Variants in COL5A2 observed in about 807,000 individuals in gnomAD.
COL5A2 encodes collagen alpha-2(V) chain.
In COL5A2, 23 loss-of-function variants were observed where a neutral mutation model predicts 208.2. The ratio of observed to expected loss-of-function variants is 0.11; its 90% confidence interval spans 0.08 to 0.16. The LOEUF (loss-of-function observed/expected upper bound fraction) is 0.16, where lower values mean the gene tolerates loss of function less well. COL5A2 is among the 10% of genes least tolerant of loss of function. The pLI, the probability that COL5A2 is intolerant of heterozygous loss-of-function variation, is 1.00. For missense variants in COL5A2, 1,590 were observed against 1,956.4 expected (o/e 0.81, Z 3.53); for synonymous variants, 625 against 628.5 (o/e 0.99, Z 0.08).
the COL5A2 span, among the ~76,000 whole-genome samples, chr2:189,333,579 C>T: frequency 3.9e-5 from 6 of 152,042 alleles, no homozygotes; most frequent in African/African-American, 1.2e-4. Context: ...ACCCCCAGTA[C>T]CTCAAAATGT....
chr2:189,053,424 C>G lies in COL5A2; in HGVS notation c.2553G>C (p.Gln851His), dbSNP rs754419619. The change falls in exon 38 of 54, where the codon CAG becomes CAC. Residue 851 changes from glutamine (Q) to histidine (H), a missense_variant and splice_region_variant. Coordinates refer to ENST00000374866, the MANE Select transcript of COL5A2 (RefSeq NM_000393.5). ...PTGAVGFAGPQGPDGQPGVKG... is the reference protein window; with the variant it reads ...PTGAVGFAGPHGPDGQPGVKG... ...AATTAGGGATATTTGAAAATTATAC[C>G]TGGGGTCCGGCAAAACCAACAGCTC... The G allele has an allele frequency of 6.2e-7, 1 of 1,613,040 alleles. No individual in the cohort carries two copies. Among genetic ancestry groups the G allele is most frequent in the Non-Finnish European group, 8.5e-7 (1 of 1,179,298 alleles).
chr2:189,130,803 C>A (rs1687695223), intron 1 of COL5A2, among the ~76,000 whole-genome samples: 1 of 151,882 alleles, frequency 6.6e-6, no homozygotes, highest in African/African-American at 2.4e-5. Flanking sequence ...GTTTATAAAG[C>A]CCAAGTCACA....
intron 14 of COL5A2, among the ~76,000 whole-genome samples, chr2:189,079,383 G>A (rs987649190): frequency 4.6e-5 from 7 of 152,108 alleles, no homozygotes; most frequent in African/African-American, 1.7e-4. Context: ...GGACTTATCT[G>A]GCTATGTCTG....
chr2:189,414,703 G>A, the COL5A2 span, among the ~76,000 whole-genome samples: 4 of 141,310 alleles, frequency 2.8e-5, no homozygotes, highest in East Asian at 2.1e-4. Context: ...GCAGTGAGCC[G>A]AGATCGCACC....
chr2:189,279,537 A>C, the COL5A2 span, among the ~76,000 whole-genome samples: 1 of 151,830 alleles, frequency 6.6e-6, no homozygotes, highest in African/African-American at 2.4e-5. Flanking sequence ...TGTAAAAAAA[A>C]AAAAAAAAAT....
At chr2:189,041,720 G>A (rs772820459) in intron 49 of COL5A2, 27 bp from the exon 50 acceptor site, 54 of 1,560,290 alleles carry the variant, frequency 3.5e-5, no homozygotes, top group Non-Finnish European at 4.6e-5. Flanking sequence ...CTGTAGTTTA[G>A]ATTCTATGAA....
the COL5A2 span, among the ~76,000 whole-genome samples, chr2:189,255,717 G>A: frequency 1.3e-5 from 2 of 152,130 alleles, no homozygotes; most frequent in South Asian, 4.2e-4. Context: ...ATAATCTAAT[G>A]GGTAAAATAG....
the COL5A2 span, among the ~76,000 whole-genome samples, chr2:189,275,285 C>T: frequency 6.6e-6 from 1 of 151,948 alleles, no homozygotes; most frequent in African/African-American, 2.4e-5. Flanking sequence ...TTTTTATTAG[C>T]ATTAAATGAT....
the COL5A2 span, among the ~76,000 whole-genome samples, chr2:189,421,671 G>T: frequency 6.6e-6 from 1 of 152,044 alleles, no homozygotes. Flanking sequence ...CTCAATGACT[G>T]CCCAGGGACC....
the COL5A2 span, among the ~76,000 whole-genome samples, chr2:189,363,531 A>C: frequency 6.6e-6 from 1 of 152,136 alleles, no homozygotes; most frequent in African/African-American, 2.4e-5. Context: ...ATATATTCTT[A>C]TTCTTATTTG....
At position 189,053,452 on chromosome 2, in the gene COL5A2, G is replaced by A; in HGVS notation, c.2525C>T (p.Thr842Ile). The A allele has an allele frequency of 6.2e-7, 1 of 1,613,852 alleles. No homozygotes were observed. Among genetic ancestry groups the A allele is most frequent in the South Asian group, 1.1e-5 (1 of 91,078 alleles). The change falls in exon 38 of 54, where the codon ACT becomes ATT. Residue 842 changes from threonine (T) to isoleucine (I), a missense_variant. Coordinates refer to ENST00000374866, the MANE Select transcript of COL5A2 (RefSeq NM_000393.5). ...NPGSRGENGP[T>I]GAVGFAGPQG... is the part of the protein sequence containing the mutation. ...GGGTCCGGCAAAACCAACAGCTCCA[G>A]TTGGCCCATTTTCACCTCGAGAACC...
the COL5A2 span, among the ~76,000 whole-genome samples, chr2:189,321,375 T>C: frequency 6.6e-6 from 1 of 152,016 alleles, no homozygotes; most frequent in Non-Finnish European, 1.5e-5. Flanking sequence ...GACTGGAAAA[T>C]TGGATAAAGA....
At chr2:189,200,258 G>A (rs971216860) in intron 1 of COL5A2, among the ~76,000 whole-genome samples, 4 of 152,080 alleles carry the variant, frequency 2.6e-5, no homozygotes, top group Admixed American at 6.5e-5. Flanking sequence ...AGAATAGGGA[G>A]GCAGAAAGAA....
chr2:189,410,696 T>C, the COL5A2 span, among the ~76,000 whole-genome samples: 3 of 152,154 alleles, frequency 2.0e-5, no homozygotes, highest in African/African-American at 4.8e-5. Flanking sequence ...AGTGATTTGA[T>C]ATAAAGACAA....
intron 1 of COL5A2, among the ~76,000 whole-genome samples, chr2:189,213,262 C>T (rs1689238585): frequency 2.0e-5 from 3 of 151,994 alleles, no homozygotes; most frequent in Admixed American, 1.3e-4. Flanking sequence ...TGAACCAAGC[C>T]TCTTTCTAAA....
the COL5A2 span, among the ~76,000 whole-genome samples, chr2:189,389,614 T>C: frequency 6.6e-6 from 1 of 152,204 alleles, no homozygotes; most frequent in Non-Finnish European, 1.5e-5. Flanking sequence ...ATTTGGTCTT[T>C]CAACCATATG....
chr2:189,388,265 T>C, the COL5A2 span, among the ~76,000 whole-genome samples: 7 of 152,024 alleles, frequency 4.6e-5, no homozygotes, highest in South Asian at 2.1e-4. Context: ...AGAGGGAGCA[T>C]TGTCAACTAG....
At chr2:189,303,904 G>A in the COL5A2 span, among the ~76,000 whole-genome samples, 5 of 152,118 alleles carry the variant, frequency 3.3e-5, no homozygotes, top group Non-Finnish European at 7.4e-5. Context: ...CCCGAGTCAT[G>A]AATCGTTCTT....
At position 189,039,447 on chromosome 2, in the gene COL5A2, C is replaced by T. The variant is rs372698729; in HGVS notation, c.3750G>A (p.Glu1250=). Residue 1250 remains glutamate, a synonymous_variant, in exon 51 of 54, where the codon GAG becomes GAA. Coordinates refer to ENST00000374866, the MANE Select transcript of COL5A2 (RefSeq NM_000393.5). ...CAGGAGCCGCCTGATCTTCAGTAAA[C>T]TCAGGAAGTGGATCTGGCATGCTTT... The part of the protein sequence containing the change: ...YDESMPDPLP[E]FTEDQAAPDD... The T allele has an allele frequency of 4.3e-6, 7 of 1,613,926 alleles. No homozygotes were observed. The highest frequency in any genetic ancestry group is 5.9e-6 in the Non-Finnish European group (7 of 1,180,004).
Sources: allele counts gnomAD v4.1 joint callset (sites outside exome capture counted in the v4.1 genomes callset), GRCh38; gene constraint gnomAD v4.1.1; transcripts MANE v1.5; gene names NCBI Gene and HGNC (gene_info 2026-07-23, HGNC 2026-07-21).